Variants in DMD observed in about 807,000 individuals in gnomAD.
DMD encodes the protein dystrophin.
In DMD, 63 loss-of-function variants were observed where a neutral mutation model predicts 330.1. The ratio of observed to expected loss-of-function variants is 0.19; its 90% CI spans 0.16 to 0.24. The LOEUF (loss-of-function observed/expected upper bound fraction) is 0.24. Among genes scored for constraint, DMD ranks in the 10% least tolerant of loss-of-function variants. The pLI, the probability that DMD is intolerant of heterozygous loss-of-function variation, is 1.00. For synonymous variants in DMD, 1,223 were observed against 959.8 expected (o/e 1.27, Z -5.07); for missense variants, 3,344 against 2,684.1 (o/e 1.25, Z -5.43).
At chrX:31,230,981 A>G (rs1324496436) in intron 63 of DMD, among the ~76,000 whole-genome samples, 1 of 111,549 alleles carries the variant, frequency 9.0e-6, no homozygotes, top group Non-Finnish European at 1.9e-5. Flanking sequence ...TGGCCGATAT[A>G]AAGTTTTCTG....
rs755337883 is a variant in DMD, at chrX:31,819,976, G to C, written c.7308C>G (p.Ala2436=). ...GAGAATGGGATCCAGTATACTTACAGGCTCCAATAGTGGTCAGTCCAGGAG... is the reference window on the plus strand; with the variant it reads ...GAGAATGGGATCCAGTATACTTACACGCTCCAATAGTGGTCAGTCCAGGAG... ...DLAPGLTTIG[A]SPTQTVTLVT... Residue 2436 remains alanine (A), a splice_region_variant and synonymous_variant, in exon 50 of 79, where the codon GCC becomes GCG. Transcript: ENST00000357033. 1 of 1,204,804 alleles carries C rather than the reference G, an allele frequency of 8.3e-7. No homozygotes were observed. The highest frequency in any genetic ancestry group is 1.1e-6 in the Non-Finnish European group (1 of 889,022).
chrX:31,511,237 C>CATAAT (rs768883964), intron 55 of DMD, among the ~76,000 whole-genome samples: 70 of 106,262 alleles, frequency 6.6e-4, no homozygotes, highest in East Asian at 1.5e-3. Context: ...ATACATTATA[C>CATAAT]ATAATATAAT....
At chrX:32,912,797 G>C (rs746791368) in intron 2 of DMD, among the ~76,000 whole-genome samples, 8 of 111,490 alleles carry the variant, frequency 7.2e-5, no homozygotes, top group African/African-American at 2.6e-4. Flanking sequence ...TGGTGGTAGT[G>C]GGGAAGCGAT....
intron 67 of DMD, among the ~76,000 whole-genome samples, chrX:31,197,261 T>C (rs2042993368): frequency 8.9e-6 from 1 of 111,838 alleles, no homozygotes; most frequent in Non-Finnish European, 1.9e-5. Flanking sequence ...CCTATGCACT[T>C]AACCACTCTG....
chrX:32,462,822 G>T (rs951646715), intron 25 of DMD, among the ~76,000 whole-genome samples: 1 of 110,486 alleles, frequency 9.1e-6, no homozygotes, highest in Non-Finnish European at 1.9e-5. Context: ...AGCCAGGCAT[G>T]GTGGCACACA....
intron 11 of DMD, among the ~76,000 whole-genome samples, chrX:32,638,203 A>G (rs2059221904): frequency 8.9e-6 from 1 of 112,106 alleles, no homozygotes; most frequent in African/African-American, 3.2e-5. Flanking sequence ...TGTCTGTTAT[A>G]TATTATTGCA....
chrX:32,315,325 G>C (rs1028011753), intron 41 of DMD, among the ~76,000 whole-genome samples: 10 of 110,701 alleles, frequency 9.0e-5, no homozygotes, highest in African/African-American at 3.0e-4. Context: ...CTGATAATGG[G>C]AGTTGAACAA....
chrX:33,263,684 G>A lies in DMD; in HGVS notation c.7+75575C>T, dbSNP rs190783224. Among the ~76,000 whole-genome samples, 434 of 108,810 alleles carry A rather than the reference G, an allele frequency of 4.0e-3. 4 individuals are homozygous for A. Among genetic ancestry groups the A allele is most frequent in the African/African-American group, 0.014 (409 of 30,174 alleles). 94.5% of individuals were successfully genotyped at this position (108,810 alleles called of 115,157 possible). A position where few individuals can be genotyped will look rare whatever the true frequency, so the allele number is the denominator to read the frequency against. On this transcript the variant is annotated intron_variant, in intron 1 of 17. Coordinates refer to the DMD transcript ENST00000288447. ...CAAATATCTATAAAAAGATGAATAT[G>A]ACACCAAGTGATAGAATGTCATCAG...
chrX:32,400,393 C>T (rs1287990317), intron 30 of DMD, among the ~76,000 whole-genome samples: 1 of 111,452 alleles, frequency 9.0e-6, no homozygotes, highest in Non-Finnish European at 1.9e-5. Context: ...CATCAATGTT[C>T]ATCAAGGATA....
chrX:31,613,077 T>C (rs1347878410), intron 55 of DMD, among the ~76,000 whole-genome samples: 1 of 112,058 alleles, frequency 8.9e-6, no homozygotes, highest in Non-Finnish European at 1.9e-5. Context: ...ACTGGGATAA[T>C]GACTACTTGC....
intron 56 of DMD, 116 bp from the exon 57 acceptor site, chrX:31,497,060 TA>T: frequency 1.1e-6 from 1 of 950,152 alleles, no homozygotes; most frequent in Non-Finnish European, 1.5e-6. Context: ...CAGTCTTGAA[TA>T]AAAATCTGGC....
At chrX:32,899,758 C>G (rs2086074318) in intron 2 of DMD, among the ~76,000 whole-genome samples, 1 of 110,410 alleles carries the variant, frequency 9.1e-6, no homozygotes. Flanking sequence ...GTTATGGATT[C>G]TTATATTGGT....
chrX:32,580,710 T>G (rs1270179322), intron 13 of DMD, among the ~76,000 whole-genome samples: 1 of 112,268 alleles, frequency 8.9e-6, no homozygotes, highest in East Asian at 2.8e-4. Context: ...GAAGGACAAT[T>G]AATGATAATT....
chrX:32,964,947 G>C (rs1732214111), intron 2 of DMD, among the ~76,000 whole-genome samples: 1 of 111,878 alleles, frequency 8.9e-6, no homozygotes, highest in Non-Finnish European at 1.9e-5. Context: ...ACTACAAGTA[G>C]CTCTCTAGAC....
rs931412003 is a variant in DMD at position 32,049,312 on chromosome X, C to A, written c.6439-80798G>T. Among the ~76,000 whole-genome samples, 12 of 111,306 alleles carry A rather than the reference C, an allele frequency of 1.1e-4. No individual in the cohort carries two copies. The Admixed American group carries it at 1.2e-3, about 11-fold the overall frequency. On this transcript the variant is annotated intron_variant, in intron 44 of 78. Coordinates refer to ENST00000357033, the MANE Select transcript of DMD (RefSeq NM_004006.3). ...ATTGGAAATGAGTATGGAAAGCTTT[C>A]AGAATGGAAGTTTTATTCCATTGTT...
At chrX:32,117,109 C>A (rs952829079) in intron 44 of DMD, among the ~76,000 whole-genome samples, 2 of 110,950 alleles carry the variant, frequency 1.8e-5, no homozygotes, top group African/African-American at 6.6e-5. Context: ...GTTTCTAAGC[C>A]TCACTCCATT....
intron 4 of DMD, among the ~76,000 whole-genome samples, chrX:32,825,291 C>T (rs1363005918): frequency 9.0e-6 from 1 of 111,207 alleles, no homozygotes; most frequent in Non-Finnish European, 1.9e-5. Flanking sequence ...ATTCCAGTAA[C>T]CCCTTATCCA....
intron 2 of DMD, among the ~76,000 whole-genome samples, chrX:32,936,401 C>T (rs1269553276): frequency 8.9e-6 from 1 of 111,853 alleles, no homozygotes. Context: ...CGTGAGCCAC[C>T]GCGCCCAGCT....
Position 32,067,388 on chromosome X carries a change from G to A in DMD, c.6439-98874C>T, listed in dbSNP as rs980506033. Among the ~76,000 whole-genome samples the A allele has an allele frequency of 5.4e-5, 6 of 110,135 alleles. No individual in the cohort carries two copies. In the East Asian group the frequency reaches 1.4e-3, roughly 26 times the overall value. ...AACTTTTAAGATCCAGAGGGTACAT[G>A]TTCAGGTTTGTTACCTGGATATATG... On this transcript the variant is annotated intron_variant, in intron 44 of 78. Transcript: ENST00000357033.
Sources: gnomAD v4.1 joint callset for allele counts (sites outside exome capture counted in the v4.1 genomes callset) on GRCh38, gnomAD v4.1.1 for gene constraint, MANE v1.5 for transcripts, NCBI Gene and HGNC (gene_info 2026-07-23, HGNC 2026-07-21) for gene names.